Variants in COBL observed in about 807,000 individuals in gnomAD.
COBL encodes cordon-bleu WH2 repeat protein.
In COBL, 51 loss-of-function variants were observed where a neutral mutation model predicts 98.8. The observed-to-expected ratio is 0.52, with a 90% CI of 0.41 to 0.65. The LOEUF (loss-of-function observed/expected upper bound fraction) is 0.65, where lower values mean the gene tolerates loss of function less well. Among genes scored for constraint, COBL ranks in the 30% least tolerant of loss-of-function variants. COBL has a pLI of 0.00. For missense variants in COBL, 1,617 were observed against 1,617.5 expected, an observed-to-expected ratio of 1.00 and a Z score of 0.01; for synonymous variants, 634 against 651.7, an observed-to-expected ratio of 0.97 and a Z score of 0.41.
intron 7 of COBL, 117 bp downstream of exon 7, chr7:51,085,049 T>C: frequency 2.1e-6 from 3 of 1,429,588 alleles, no homozygotes; most frequent in Non-Finnish European, 2.9e-6. Context: ...TTAGCATTAA[T>C]ATTTTTTGGG....
intron 1 of COBL, among the ~76,000 whole-genome samples, chr7:51,313,418 C>T (rs928173779): frequency 6.6e-6 from 1 of 152,088 alleles, no homozygotes; most frequent in African/African-American, 2.4e-5. Context: ...TCTTTTGGTT[C>T]TAATAACTTG....
chr7:51,208,389 G>A (rs1238279034), intron 2 of COBL, among the ~76,000 whole-genome samples: 1 of 132,324 alleles, frequency 7.6e-6, no homozygotes, highest in Non-Finnish European at 1.8e-5. Context: ...AGGGAGGTGG[G>A]GGGGGTCAGC....
chr7:51,161,867 T>C (rs567474306), intron 5 of COBL, among the ~76,000 whole-genome samples: 10 of 152,372 alleles, frequency 6.6e-5, no homozygotes, highest in Admixed American at 6.5e-4. Flanking sequence ...TCTGTTGTCC[T>C]GGTGAATAAC....
rs144505520 is a variant in COBL at position 51,082,366 on chromosome 7, T to A, written c.1096+2800A>T. 3.9e-5 allele frequency among the ~76,000 whole-genome samples: 6 copies of A among 152,218 alleles called. No individual in the cohort carries two copies. The East Asian group carries it at 1.2e-3, about 29-fold the overall frequency. ...CAGGCCCGACGTGCCCATAATGCCA[T>A]GGAGTGTAGAGAGTAAGTGTATAAA... On this transcript the variant is annotated intron_variant, in intron 7 of 12. Coordinates refer to ENST00000265136, the MANE Select transcript of COBL (RefSeq NM_015198.5).
At chr7:51,221,462 C>T (rs1793631959) in intron 1 of COBL, among the ~76,000 whole-genome samples, 1 of 152,194 alleles carries the variant, frequency 6.6e-6, no homozygotes, top group African/African-American at 2.4e-5. Context: ...AATCATGCAT[C>T]AATGAAAGAC....
chr7:51,043,568 T>C lies in COBL; in HGVS notation c.1221A>G (p.Ser407=). ...CFASEDTTED[S]GVMSSPSDIV... ...TGTCTGAGGGGGAACTCATCACTCC[T>C]GAGTCCTCGGTCGTGTCCTCCGACG... Residue 407 remains serine, a synonymous_variant, in exon 8 of 13, where the codon TCA becomes TCG. Transcript: ENST00000265136. The C allele has an allele frequency of 6.2e-7, 1 of 1,614,238 alleles. No homozygotes were observed. Among genetic ancestry groups the C allele is most frequent in the Non-Finnish European group, 8.5e-7 (1 of 1,180,044 alleles).
intron 5 of COBL, among the ~76,000 whole-genome samples, chr7:51,138,687 C>A (rs774940843): frequency 2.0e-5 from 3 of 152,222 alleles, no homozygotes; most frequent in South Asian, 2.1e-4. Flanking sequence ...CACTCACAAA[C>A]GTGCACTCAC....
At chr7:51,034,006 A>G (rs1788392655) in intron 8 of COBL, 1 of 152,202 alleles carries the variant, frequency 6.6e-6, no homozygotes, top group African/African-American at 2.4e-5. Flanking sequence ...TTTCTCCCCT[A>G]TCCACCAGTT....
intron 12 of COBL, among the ~76,000 whole-genome samples, chr7:51,024,234 G>C (rs901640665): frequency 6.6e-6 from 1 of 152,004 alleles, no homozygotes; most frequent in Non-Finnish European, 1.5e-5. Context: ...GCATGAACCC[G>C]GGAGGCGGAG....
At chr7:51,207,887 GC>G (rs1791924481) in intron 2 of COBL, among the ~76,000 whole-genome samples, 1 of 151,872 alleles carries the variant, frequency 6.6e-6, no homozygotes, top group South Asian at 2.1e-4. Context: ...CTGCCTGGCC[GC>G]CCATCGTCTG....
At chr7:51,039,010 G>A (rs1025350037) in intron 8 of COBL, among the ~76,000 whole-genome samples, 1 of 152,196 alleles carries the variant, frequency 6.6e-6, no homozygotes, top group African/African-American at 2.4e-5. Context: ...GGGTCATCCA[G>A]GGTAGGGCCA....
intron 2 of COBL, among the ~76,000 whole-genome samples, chr7:51,214,427 G>A (rs182115011): frequency 2.4e-4 from 36 of 152,294 alleles, no homozygotes; most frequent in African/African-American, 8.4e-4. Context: ...TACCTGGACA[G>A]GTGTGAACAG....
chr7:51,219,642 TGAG>T lies in COBL; in HGVS notation c.245+96_245+98del, dbSNP rs1012527680. On this transcript the variant is annotated intron_variant, in intron 2 of 12. Transcript: ENST00000265136. ...ATGAGGTTCCTGAGGTCAGACCTGA[TGAG>T]GAGGAAAATGCAATACATCAACATC... The T allele has an allele frequency of 9.5e-5, 124 of 1,305,050 alleles. No homozygotes were observed. The African/African-American group carries it at 1.6e-3, about 17-fold the overall frequency. 80.8% of individuals were successfully genotyped at this position (1,305,050 alleles called of 1,614,324 possible).
intron 6 of COBL, among the ~76,000 whole-genome samples, chr7:51,132,582 C>T (rs916377047): frequency 6.6e-6 from 1 of 152,164 alleles, no homozygotes; most frequent in African/African-American, 2.4e-5. Context: ...GGAAAACAAA[C>T]TCTCCTTCGG....
At chr7:51,144,845 G>A (rs1236611986) in intron 5 of COBL, among the ~76,000 whole-genome samples, 1 of 152,170 alleles carries the variant, frequency 6.6e-6, no homozygotes, top group Non-Finnish European at 1.5e-5. Context: ...TGTTTTGAAG[G>A]TTTGCTCACA....
chr7:51,049,871 C>A (rs1460538250), intron 7 of COBL, among the ~76,000 whole-genome samples: 1 of 152,164 alleles, frequency 6.6e-6, no homozygotes, highest in Admixed American at 6.5e-5. Flanking sequence ...CCCTCTGCCA[C>A]CAGCATTATA....
Position 51,223,282 on chromosome 7 carries a change from C to T in COBL, c.42-3338G>A, listed in dbSNP as rs571980924. Among the ~76,000 whole-genome samples, 16 of 152,324 alleles carry T rather than the reference C, an allele frequency of 1.1e-4. No individual in the cohort carries two copies. In the South Asian group the frequency reaches 2.7e-3, roughly 26 times the overall value. On this transcript the variant is annotated intron_variant, in intron 1 of 12. Coordinates refer to ENST00000265136, the MANE Select transcript of COBL (RefSeq NM_015198.5). ...GCATGTGTGTGTGCCTGCGTGTGCA[C>T]GTGTACACATTAAAGTTAGCCAACA...
At chr7:51,188,904 G>C (rs1789809161) in intron 4 of COBL, among the ~76,000 whole-genome samples, 1 of 152,200 alleles carries the variant, frequency 6.6e-6, no homozygotes, top group Non-Finnish European at 1.5e-5. Flanking sequence ...ATACATCCAA[G>C]TGGTAGCATG....
At chr7:51,248,603 C>A (rs1285801647) in intron 1 of COBL, among the ~76,000 whole-genome samples, 1 of 152,118 alleles carries the variant, frequency 6.6e-6, no homozygotes, top group Non-Finnish European at 1.5e-5. Flanking sequence ...ACAAATAGGA[C>A]ACAAATGATT....
Sources: gnomAD v4.1 joint callset for allele counts (sites outside exome capture counted in the v4.1 genomes callset) on GRCh38, gnomAD v4.1.1 for gene constraint, MANE v1.5 for transcripts, NCBI Gene and HGNC (gene_info 2026-07-23, HGNC 2026-07-21) for gene names.